Variants in RAB27B observed in about 807,000 individuals in gnomAD.
RAB27B encodes RAB27B, member RAS oncogene family.
A neutral mutation model predicts 24.6 loss-of-function variants in RAB27B; 15 were observed. That is an observed-to-expected ratio of 0.61 (90% CI 0.41 to 0.94). The LOEUF (loss-of-function observed/expected upper bound fraction) is 0.94. Among genes scored for constraint, RAB27B ranks in the 40% least tolerant of loss-of-function variants. RAB27B has a pLI of 0.00. For missense variants in RAB27B, 261 were observed against 266.8 expected, an observed-to-expected ratio of 0.98 and a Z score of 0.15; for synonymous variants, 105 against 92.5, an observed-to-expected ratio of 1.14 and a Z score of -0.78.
chr18:54,885,539 C>T (rs528344066), intron 4 of RAB27B, among the ~76,000 whole-genome samples: 1 of 152,242 alleles, frequency 6.6e-6, no homozygotes, highest in East Asian at 1.9e-4. Context: ...TCATTTACAG[C>T]CCTGTGCTAG....
intron 2 of RAB27B, among the ~76,000 whole-genome samples, chr18:54,782,984 G>T (rs1908962711): frequency 1.3e-5 from 2 of 151,626 alleles, no homozygotes; most frequent in Non-Finnish European, 2.9e-5. Flanking sequence ...TTGAGACAGA[G>T]TCTCACTCTG....
chr18:54,865,573 C>T (rs1912184975), intron 1 of RAB27B, among the ~76,000 whole-genome samples: 1 of 152,074 alleles, frequency 6.6e-6, no homozygotes, highest in Non-Finnish European at 1.5e-5. Flanking sequence ...CCAAATTTTC[C>T]CCTTCCTTGT....
At chr18:54,844,096 C>A (rs190020390) in intron 1 of RAB27B, among the ~76,000 whole-genome samples, 17 of 152,272 alleles carry the variant, frequency 1.1e-4, no homozygotes, top group Non-Finnish European at 1.3e-4. Flanking sequence ...GAGCAAAGTT[C>A]ATGAATAAAA....
intron 4 of RAB27B, among the ~76,000 whole-genome samples, chr18:54,886,209 G>A (rs1039413207): frequency 6.6e-6 from 1 of 151,974 alleles, no homozygotes; most frequent in African/African-American, 2.4e-5. Flanking sequence ...CCCTCAACAC[G>A]CTTTAGAGTT....
In RAB27B at chr18:54,891,125, C is replaced by T. The variant is rs1913351912; in HGVS notation, c.*1712C>T. 6.6e-6 allele frequency: 1 copy of T among 151,976 alleles called. No individual in the cohort carries two copies. The highest frequency in any genetic ancestry group is 1.5e-5 in the Non-Finnish European group (1 of 67,986). 9.4% of individuals were successfully genotyped at this position (151,976 alleles called of 1,614,324 possible). A position where few individuals can be genotyped will look rare whatever the true frequency, so the allele number is the denominator to read the frequency against. On this transcript the variant is annotated 3_prime_UTR_variant, in exon 6 of 6. Transcript: ENST00000262094. ...TACACATTGAAGACCCTAAAAATCC[C>T]AGTCCATCATTCAGCTTACCTCTGC...
intron 1 of RAB27B, among the ~76,000 whole-genome samples, chr18:54,841,071 G>A (rs967738614): frequency 3.3e-5 from 5 of 150,618 alleles, no homozygotes; most frequent in African/African-American, 9.7e-5. Context: ...GCTTGAACCC[G>A]GGAGGCAGAA....
At chr18:54,866,221 T>A (rs59746815) in intron 1 of RAB27B, among the ~76,000 whole-genome samples, 52,600 of 152,082 alleles carry the variant, frequency 0.35, 10,551 homozygotes, top group Admixed American at 0.44. Context: ...TGGACTTGAA[T>A]GTTTACAGTG....
intron 1 of RAB27B, among the ~76,000 whole-genome samples, chr18:54,868,842 G>A (rs1912354155): frequency 1.3e-5 from 2 of 152,228 alleles, no homozygotes; most frequent in South Asian, 4.2e-4. Flanking sequence ...GGCGAGGCTG[G>A]TCACCAACTA....
chr18:54,863,908 T>C (rs1397088732), intron 1 of RAB27B, among the ~76,000 whole-genome samples: 1 of 152,230 alleles, frequency 6.6e-6, no homozygotes, highest in Non-Finnish European at 1.5e-5. Context: ...TGTTTACACA[T>C]TCAGTGGATG....
At chr18:54,811,779 C>G (rs925448780) in intron 2 of RAB27B, among the ~76,000 whole-genome samples, 3 of 152,142 alleles carry the variant, frequency 2.0e-5, no homozygotes, top group Non-Finnish European at 4.4e-5. Context: ...AGGTTTGTGG[C>G]TTTTTGTCTT....
At chr18:54,738,377 G>A (rs1002406734) in intron 2 of RAB27B, among the ~76,000 whole-genome samples, 2 of 152,144 alleles carry the variant, frequency 1.3e-5, no homozygotes, top group African/African-American at 4.8e-5. Context: ...GGAGGTGACT[G>A]GATCATGGGG....
At chr18:54,833,809 A>G (rs893472348) in intron 1 of RAB27B, among the ~76,000 whole-genome samples, 1 of 152,184 alleles carries the variant, frequency 6.6e-6, no homozygotes, top group Non-Finnish European at 1.5e-5. Context: ...TTAACCTGGG[A>G]AAGAGCTTGG....
chr18:54,871,136 C>A (rs530251117), intron 1 of RAB27B, among the ~76,000 whole-genome samples: 1 of 152,248 alleles, frequency 6.6e-6, no homozygotes, highest in South Asian at 2.1e-4. Flanking sequence ...TCAATTAATT[C>A]TAAATAGTCT....
intron 2 of RAB27B, among the ~76,000 whole-genome samples, chr18:54,788,366 G>A (rs1384776879): frequency 2.0e-5 from 3 of 152,116 alleles, no homozygotes; most frequent in Non-Finnish European, 4.4e-5. Flanking sequence ...ACAGTGGCAC[G>A]ATCTCAGCTC....
Position 54,780,326 on chromosome 18 carries a change from G to C in RAB27B, c.-20+62185G>C, listed in dbSNP as rs1238735614. 5.0e-5 allele frequency among the ~76,000 whole-genome samples: 5 copies of C among 99,522 alleles called. 1 individual carries two copies. The highest frequency in any genetic ancestry group is 1.7e-4 in the African/African-American group (4 of 23,096). The allele number at this position is 99,522 out of a possible 152,430, so 65.3% of individuals were successfully genotyped here. On this transcript the variant is annotated intron_variant, in intron 2 of 4. Transcript: ENST00000586570. The stretch of plus-strand genomic sequence containing the variant: ...GTGTCTCCCCCAACCTGAAGGCTTC[G>C]CCTCACCGTGTCTCCCCTCTCCTGA...
chr18:54,723,957 C>T (rs914317474), intron 2 of RAB27B, among the ~76,000 whole-genome samples: 1 of 152,094 alleles, frequency 6.6e-6, no homozygotes, highest in Non-Finnish European at 1.5e-5. Context: ...TTTGCAAAGA[C>T]GAGACTATAA....
At chr18:54,765,783 T>G (rs1404621399) in intron 2 of RAB27B, among the ~76,000 whole-genome samples, 1 of 152,152 alleles carries the variant, frequency 6.6e-6, no homozygotes, top group Non-Finnish European at 1.5e-5. Context: ...TTGTAAATTC[T>G]TTTTAGTAAA....
At chr18:54,812,707 G>A (rs906668545) in intron 2 of RAB27B, among the ~76,000 whole-genome samples, 1 of 151,894 alleles carries the variant, frequency 6.6e-6, no homozygotes, top group Non-Finnish European at 1.5e-5. Context: ...AATTAACAAG[G>A]ACATTTTAAG....
At chr18:54,831,431 A>T (rs1910673299) in intron 1 of RAB27B, among the ~76,000 whole-genome samples, 1 of 152,204 alleles carries the variant, frequency 6.6e-6, no homozygotes, top group Non-Finnish European at 1.5e-5. Context: ...CCTAATGAAC[A>T]TGTTGGCCTT....
Sources: gnomAD v4.1 joint callset for allele counts (sites outside exome capture counted in the v4.1 genomes callset) on GRCh38, gnomAD v4.1.1 for gene constraint, MANE v1.5 for transcripts, NCBI Gene and HGNC (gene_info 2026-07-23, HGNC 2026-07-21) for gene names.